DCC: variants seen among roughly 807,000 people sequenced by gnomAD.
DCC encodes DCC netrin 1 receptor.
DCC carries 58 observed loss-of-function variants against 172.5 expected under a neutral mutation model. The observed-to-expected ratio is 0.34, with a 90% confidence interval of 0.27 to 0.42. The LOEUF is 0.42. Among genes scored for constraint, DCC ranks in the 10% least tolerant of loss-of-function variants. The probability of loss-of-function intolerance (pLI) is 1.00; values close to 1 mark genes in which losing one functional copy is unlikely to be tolerated. For synonymous variants in DCC, 709 were observed against 644.5 expected (o/e 1.10, Z -1.52); for missense variants, 1,740 against 1,791.0 (o/e 0.97, Z 0.51).
rs148100881 is a variant in DCC, at chr18:53,462,060, G to A, written c.3619+2602G>A. 7.2e-3 allele frequency among the ~76,000 whole-genome samples: 1,089 copies of A among 152,298 alleles called. 18 individuals carry two copies. Among genetic ancestry groups the A allele is most frequent in the Admixed American group, 0.026 (405 of 15,302 alleles). On this transcript the variant is annotated intron_variant, in intron 24 of 28. Coordinates refer to ENST00000442544, the MANE Select transcript of DCC (RefSeq NM_005215.4). ...GATGGAGTGAAGAGGGAGGGGAGGTGAGGATAAAGAGAAGAAAGTACCATT... is the reference window on the plus strand; with the variant it reads ...GATGGAGTGAAGAGGGAGGGGAGGTAAGGATAAAGAGAAGAAAGTACCATT...
chr18:53,473,282 G>T (rs2045720800), intron 25 of DCC, among the ~76,000 whole-genome samples: 1 of 152,266 alleles, frequency 6.6e-6, no homozygotes. Flanking sequence ...AGGATGTAAT[G>T]TATCTAATTC....
At chr18:52,822,557 C>T (rs1019490105) in intron 2 of DCC, among the ~76,000 whole-genome samples, 1 of 152,188 alleles carries the variant, frequency 6.6e-6, no homozygotes, top group African/African-American at 2.4e-5. Context: ...CAGCCAAATT[C>T]CAATTCTGCG....
intron 2 of DCC, among the ~76,000 whole-genome samples, chr18:52,778,329 CTT>C (rs2037471297): frequency 6.6e-6 from 1 of 152,136 alleles, no homozygotes; most frequent in African/African-American, 2.4e-5. Flanking sequence ...TTGGGAATGT[CTT>C]TTAATGAATC....
chr18:53,063,531 T>A, intron 6 of DCC, 72 bp downstream of exon 6: 7 of 1,258,364 alleles, frequency 5.6e-6, no homozygotes, highest in Non-Finnish European at 5.6e-6. Flanking sequence ...TGTTTTTATT[T>A]CTTGAAAAAA....
chr18:53,535,746 A>G lies in DCC; in HGVS notation c.*5093A>G, dbSNP rs1380970052. The G allele has an allele frequency of 1.3e-5, 2 of 152,218 alleles. No individual in the cohort carries two copies. The highest frequency in any genetic ancestry group is 4.8e-5 in the African/African-American group (2 of 41,458). The allele number at this position is 152,218 out of a possible 1,614,324, so 9.4% of individuals were successfully genotyped here. ...AGAAAGGAAACTTGCTTACAGTTTA[A>G]AACAATGACTGTTTCTACACATGAT... is the stretch of plus-strand genomic sequence containing the variant. On this transcript the variant is annotated 3_prime_UTR_variant, in exon 29 of 29. Transcript: ENST00000442544.
chr18:52,394,796 CAT>C (rs772982974), intron 1 of DCC, among the ~76,000 whole-genome samples: 4 of 152,050 alleles, frequency 2.6e-5, no homozygotes, highest in African/African-American at 4.8e-5. Flanking sequence ...CCTAATAATA[CAT>C]GTTTTTAACC....
chr18:53,071,208 A>G (rs556841902), intron 7 of DCC, among the ~76,000 whole-genome samples: 1 of 152,366 alleles, frequency 6.6e-6, no homozygotes, highest in South Asian at 2.1e-4. Flanking sequence ...AGTCTTTTAT[A>G]TATAGTTACC....
intron 1 of DCC, among the ~76,000 whole-genome samples, chr18:52,593,830 G>T (rs2033852300): frequency 6.6e-6 from 1 of 152,126 alleles, no homozygotes; most frequent in Non-Finnish European, 1.5e-5. Context: ...TCCCCTGAGG[G>T]GCAAAATCAC....
intron 1 of DCC, among the ~76,000 whole-genome samples, chr18:52,682,271 G>A (rs2144993105): frequency 6.6e-6 from 1 of 152,202 alleles, no homozygotes; most frequent in Non-Finnish European, 1.5e-5. Flanking sequence ...TTACATCCCA[G>A]TGCCTTTACT....
At position 53,273,927 on chromosome 18, in the gene DCC, T is replaced by G. The variant is rs1255658826; in HGVS notation, c.1912-31651T>G. ...AGAAGCAGCTCATGTTCCCTGATAA[T>G]ATTGTGTAGGGAGAGAAATCAATAG... On this transcript the variant is annotated intron_variant, in intron 12 of 28. Transcript: ENST00000442544. 2.0e-5 allele frequency among the ~76,000 whole-genome samples: 3 copies of G among 152,150 alleles called. No homozygotes were observed. The East Asian group carries it at 5.8e-4, about 29-fold the overall frequency.
chr18:52,436,410 A>G (rs1477682043), intron 1 of DCC, among the ~76,000 whole-genome samples: 1 of 152,138 alleles, frequency 6.6e-6, no homozygotes, highest in Non-Finnish European at 1.5e-5. Flanking sequence ...GTTCTACATG[A>G]CGCTCTCCAT....
At chr18:53,435,316 G>T in intron 22 of DCC, 107 bp downstream of exon 22, 1 of 760,594 alleles carries the variant, frequency 1.3e-6, no homozygotes, top group Non-Finnish European at 2.3e-6. Flanking sequence ...AGGAACCTTG[G>T]ATTTAGTGTC....
intron 5 of DCC, among the ~76,000 whole-genome samples, chr18:53,033,819 G>A (rs1047181228): frequency 6.6e-6 from 1 of 152,004 alleles, no homozygotes; most frequent in Non-Finnish European, 1.5e-5. Context: ...TATACAGTCT[G>A]TCTTCACTTT....
intron 1 of DCC, among the ~76,000 whole-genome samples, chr18:52,343,410 C>T (rs1399392722): frequency 6.6e-6 from 1 of 152,194 alleles, no homozygotes; most frequent in Non-Finnish European, 1.5e-5. Flanking sequence ...AGCACAATAG[C>T]ACTGGGCCCT....
chr18:52,846,503 C>A (rs923091846), intron 2 of DCC, among the ~76,000 whole-genome samples: 2 of 151,858 alleles, frequency 1.3e-5, no homozygotes, highest in East Asian at 3.9e-4. Context: ...TGAGTCACTA[C>A]ACTACAGCCT....
At chr18:52,604,324 A>C (rs1359055181) in intron 1 of DCC, among the ~76,000 whole-genome samples, 1 of 152,150 alleles carries the variant, frequency 6.6e-6, no homozygotes, top group African/African-American at 2.4e-5. Context: ...GGAACAGGGA[A>C]CATCTGATAG....
chr18:53,095,957 A>ACCAGTGGCC (rs1294957575), intron 7 of DCC, among the ~76,000 whole-genome samples: 3 of 152,018 alleles, frequency 2.0e-5, no homozygotes, highest in Admixed American at 2.0e-4. Context: ...ATGGAAAAAC[A>ACCAGTGGCC]CCAGTGGCCA....
chr18:52,638,160 A>G (rs2144893815), intron 1 of DCC, among the ~76,000 whole-genome samples: 1 of 152,320 alleles, frequency 6.6e-6, no homozygotes, highest in East Asian at 1.9e-4. Context: ...AAGAACTGCT[A>G]AAAGGAGCTC....
chr18:52,482,694 T>A (rs1454117560), intron 1 of DCC, among the ~76,000 whole-genome samples: 5 of 152,160 alleles, frequency 3.3e-5, no homozygotes, highest in Admixed American at 3.3e-4. Context: ...ACATTTGGGG[T>A]AGAATTTCAA....
Sources: gnomAD v4.1 joint callset for allele counts (sites outside exome capture counted in the v4.1 genomes callset) on GRCh38, gnomAD v4.1.1 for gene constraint, MANE v1.5 for transcripts, NCBI Gene and HGNC (gene_info 2026-07-23, HGNC 2026-07-21) for gene names.